The following MED12L variants were observed in gnomAD, a reference collection of about 807,000 sequenced individuals.
MED12L encodes mediator of RNA polymerase II transcription subunit 12-like protein.
Under a neutral mutation model 281.3 loss-of-function variants are expected in MED12L, and 60 were observed. The observed-to-expected ratio is 0.21, with a 90% CI of 0.17 to 0.26. MED12L has a LOEUF of 0.26. MED12L is among the 10% of genes least tolerant of loss of function. The pLI is 1.00. For missense variants in MED12L, 2,146 were observed against 2,680.9 expected (o/e 0.80, Z 4.41); for synonymous variants, 974 against 987.2 (o/e 0.99, Z 0.25).
At chr3:151,360,762 A>G (rs1049028962) in intron 21 of MED12L, among the ~76,000 whole-genome samples, 157 bp downstream of exon 21, 3 of 152,172 alleles carry the variant, frequency 2.0e-5, no homozygotes, top group African/African-American at 4.8e-5. Flanking sequence ...TAAACTGAAT[A>G]TTAAAATAGA....
intron 16 of MED12L, among the ~76,000 whole-genome samples, chr3:151,238,345 C>T (rs1168874628): frequency 6.6e-6 from 1 of 152,134 alleles, no homozygotes; most frequent in African/African-American, 2.4e-5. Context: ...CGGGGTTTCA[C>T]CTTGTTGGTC....
intron 39 of MED12L, among the ~76,000 whole-genome samples, chr3:151,395,662 T>C (rs1196947011): frequency 6.6e-6 from 1 of 152,244 alleles, no homozygotes; most frequent in African/African-American, 2.4e-5. Flanking sequence ...GAGCACTTAC[T>C]ATATGCCAAA....
intron 16 of MED12L, among the ~76,000 whole-genome samples, chr3:151,259,991 G>A (rs1738556293): frequency 6.6e-6 from 1 of 152,158 alleles, no homozygotes; most frequent in Non-Finnish European, 1.5e-5. Flanking sequence ...ATACATAAAA[G>A]ATTGGTAGGC....
At chr3:151,403,420 G>A (rs1426132764) in intron 39 of MED12L, among the ~76,000 whole-genome samples, 1 of 152,052 alleles carries the variant, frequency 6.6e-6, no homozygotes, top group Non-Finnish European at 1.5e-5. Context: ...CTGATTCATA[G>A]GCCAATGCAA....
At chr3:151,192,194 T>A (rs1397009685) in intron 14 of MED12L, among the ~76,000 whole-genome samples, 1 of 152,196 alleles carries the variant, frequency 6.6e-6, no homozygotes, top group South Asian at 2.1e-4. Flanking sequence ...CTATAGATAT[T>A]AAAGTGTCTT....
intron 16 of MED12L, among the ~76,000 whole-genome samples, chr3:151,254,390 C>T (rs1260721990): frequency 6.6e-6 from 1 of 152,138 alleles, no homozygotes; most frequent in African/African-American, 2.4e-5. Context: ...ATTGCAACTC[C>T]CTAATTTCAT....
At chr3:151,378,849 A>G (rs1441500821) in intron 31 of MED12L, among the ~76,000 whole-genome samples, 1 of 152,258 alleles carries the variant, frequency 6.6e-6, no homozygotes, top group African/African-American at 2.4e-5. Context: ...ATACTATAGT[A>G]GCCACCATTT....
At chr3:151,411,623 A>G (rs13060250) in intron 41 of MED12L, 116 bp downstream of exon 41, 3 of 894,968 alleles carry the variant, frequency 3.4e-6, no homozygotes, top group Non-Finnish European at 5.2e-6. Flanking sequence ...ATATTTGCAG[A>G]TAATTTGCAT....
intron 16 of MED12L, among the ~76,000 whole-genome samples, chr3:151,277,887 A>G (rs1742158583): frequency 6.6e-6 from 1 of 152,244 alleles, no homozygotes; most frequent in African/African-American, 2.4e-5. Flanking sequence ...GCAATTGCAA[A>G]CAAAGACATA....
rs778114890 is a variant in MED12L at position 151,156,275 on chromosome 3, A to C, written c.671A>C (p.Glu224Ala). The change falls in exon 6 of 45, where the codon GAG becomes GCG. Residue 224 changes from glutamate to alanine, a missense_variant. Physicochemically the swap from Glu to Ala is moderately radical, Grantham distance 107. Coordinates refer to ENST00000687756, the MANE Select transcript of MED12L (RefSeq NM_001393769.1). Reference protein sequence around the residue: ...DGPVPVPPEVEQAMKQWEYNE... With the variant: ...DGPVPVPPEVAQAMKQWEYNE... The stretch of plus-strand genomic sequence containing the variant: ...CCTGTCCCTGTGCCACCAGAGGTGG[A>C]GCAAGCCATGAAGCAATGGGAATAC... 2 of 1,613,082 alleles carry C rather than the reference A, an allele frequency of 1.2e-6. No homozygotes were observed. The highest frequency in any genetic ancestry group is 2.2e-5 in the South Asian group (2 of 90,746).
At chr3:151,388,768 G>A (rs1713804451) in intron 37 of MED12L, among the ~76,000 whole-genome samples, 2 of 152,040 alleles carry the variant, frequency 1.3e-5, no homozygotes, top group South Asian at 2.1e-4. Context: ...TGTTCCCCAC[G>A]TATAATAATC....
chr3:151,301,481 TAGAG>T (rs758860369), intron 16 of MED12L, among the ~76,000 whole-genome samples: 12 of 152,238 alleles, frequency 7.9e-5, no homozygotes, highest in Non-Finnish European at 1.3e-4. Flanking sequence ...AAGCAGGACA[TAGAG>T]AGAGAAGACT....
intron 29 of MED12L, 30 bp downstream of exon 29, chr3:151,376,904 A>T: frequency 6.2e-7 from 1 of 1,612,468 alleles, no homozygotes; most frequent in Non-Finnish European, 8.5e-7. Flanking sequence ...TTATCTCTGT[A>T]TGAAATTTTA....
chr3:151,400,058 C>T (rs1715474869), intron 39 of MED12L, among the ~76,000 whole-genome samples: 1 of 152,146 alleles, frequency 6.6e-6, no homozygotes, highest in East Asian at 1.9e-4. Flanking sequence ...AACTCCTGAC[C>T]TCAGGTGATC....
At chr3:151,282,816 A>G (rs1271099848) in intron 16 of MED12L, among the ~76,000 whole-genome samples, 1 of 152,106 alleles carries the variant, frequency 6.6e-6, no homozygotes, top group Admixed American at 6.5e-5. Context: ...TTGTAGTAAA[A>G]TAATTGAAAA....
intron 16 of MED12L, among the ~76,000 whole-genome samples, chr3:151,304,234 A>T (rs1235638567): frequency 6.6e-6 from 1 of 152,152 alleles, no homozygotes; most frequent in Admixed American, 6.5e-5. Flanking sequence ...AGATAGATAA[A>T]GGATTAATGG....
Position 151,433,041 on chromosome 3 carries a change from A to G in MED12L, c.*237A>G, listed in dbSNP as rs185390052. On this transcript the variant is annotated 3_prime_UTR_variant, in exon 45 of 45. Coordinates refer to ENST00000687756, the MANE Select transcript of MED12L (RefSeq NM_001393769.1). Reference sequence around the variant, plus strand: ...GTAGGTTTACAAATGTGAATCATGCAGGCAGGCCTACTCCCGGAAGAGTGT... The same window carrying G: ...GTAGGTTTACAAATGTGAATCATGCGGGCAGGCCTACTCCCGGAAGAGTGT... 4 of 465,198 alleles carry G rather than the reference A, an allele frequency of 8.6e-6. No homozygotes were observed. The highest frequency in any genetic ancestry group is 1.5e-5 in the Non-Finnish European group (4 of 260,002). The allele number at this position is 465,198 out of a possible 1,614,324, so 28.8% of individuals were successfully genotyped here.
intron 37 of MED12L, among the ~76,000 whole-genome samples, chr3:151,388,399 T>A (rs540792268): frequency 1.3e-5 from 2 of 152,378 alleles, no homozygotes; most frequent in South Asian, 4.1e-4. Flanking sequence ...TTTATTTTAA[T>A]TGTAGGCTTC....
intron 16 of MED12L, among the ~76,000 whole-genome samples, chr3:151,281,738 T>C (rs552709858): frequency 1.4e-4 from 21 of 152,308 alleles, no homozygotes; most frequent in African/African-American, 5.1e-4. Context: ...AACCCTGATA[T>C]GACAACCACC....
Sources: allele counts gnomAD v4.1 joint callset (sites outside exome capture counted in the v4.1 genomes callset), GRCh38; gene constraint gnomAD v4.1.1; transcripts MANE v1.5; gene names NCBI Gene and HGNC (gene_info 2026-07-23, HGNC 2026-07-21).